PDE4D: variants seen among roughly 807,000 people sequenced by gnomAD.
The protein encoded by PDE4D is 3',5'-cyclic-AMP phosphodiesterase 4D.
In PDE4D, 24 loss-of-function variants were observed where a neutral mutation model predicts 87.4. The ratio of observed to expected loss-of-function variants is 0.27; its 90% confidence interval spans 0.20 to 0.39. The LOEUF (loss-of-function observed/expected upper bound fraction) is 0.39. PDE4D is among the 10% of genes least tolerant of loss of function. PDE4D has a pLI of 1.00. For synonymous variants in PDE4D, 384 were observed against 383.2 expected (o/e 1.00, Z -0.02); for missense variants, 714 against 1,041.0 (o/e 0.69, Z 4.32).
chr5:59,943,946 A>G (rs967685519), intron 3 of PDE4D, among the ~76,000 whole-genome samples: 2 of 152,222 alleles, frequency 1.3e-5, no homozygotes, highest in African/African-American at 4.8e-5. Flanking sequence ...GATGAATGGC[A>G]AATGAGGAAA....
chr5:59,652,804 GTT>G (rs202089635), intron 1 of PDE4D, among the ~76,000 whole-genome samples: 1 of 143,628 alleles, frequency 7.0e-6, no homozygotes. Flanking sequence ...CTTATTGCAT[GTT>G]TTTTTTTTTT....
intron 1 of PDE4D, among the ~76,000 whole-genome samples, chr5:59,528,347 C>G (rs1029214719): frequency 4.6e-5 from 7 of 152,094 alleles, no homozygotes; most frequent in Non-Finnish European, 8.8e-5. Flanking sequence ...ATGACAGAAT[C>G]AGGATATAAA....
At chr5:59,771,003 C>T (rs1300958036) in intron 1 of PDE4D, among the ~76,000 whole-genome samples, 4 of 151,954 alleles carry the variant, frequency 2.6e-5, no homozygotes, top group East Asian at 1.9e-4. Flanking sequence ...TGGTGGCATG[C>T]GTCTGCAGTC....
At chr5:60,283,995 T>A (rs1752185762) in intron 1 of PDE4D, among the ~76,000 whole-genome samples, 1 of 151,936 alleles carries the variant, frequency 6.6e-6, no homozygotes, top group African/African-American at 2.4e-5. Flanking sequence ...AACATTAAAA[T>A]ACGCAGAATC....
chr5:60,417,093 T>C (rs536574752), intron 1 of PDE4D, among the ~76,000 whole-genome samples: 1 of 152,338 alleles, frequency 6.6e-6, no homozygotes, highest in Admixed American at 6.5e-5. Flanking sequence ...GTAGTCATGG[T>C]AATAGCCACA....
At position 58,977,286 on chromosome 5, in the gene PDE4D, C is replaced by G. The variant is rs770069803; in HGVS notation, c.1612G>C (p.Val538Leu). 1 of 1,612,892 alleles carries G rather than the reference C, an allele frequency of 6.2e-7. No homozygotes were observed. The highest frequency in any genetic ancestry group is 1.7e-4 in the Middle Eastern group (1 of 6,052). ...SSVLENHHLA[V>L]GFKLLQEENC... ...TCTTCCTGAAGCAATTTAAAGCCCA[C>G]AGCCAAATGATGGTTCTCTAAGACT... The change falls in exon 12 of 15, where the codon GTG (valine) becomes CTG (leucine). Residue 538 changes from valine (V) to leucine (L), a missense_variant. Around this residue, in one of 7 missense-constraint regions of PDE4D, gnomAD observed 26 missense variants for 96.9 expected, o/e 0.27. Transcript: ENST00000340635.
chr5:59,299,141 G>T (rs1252330234), intron 1 of PDE4D, among the ~76,000 whole-genome samples: 2 of 152,196 alleles, frequency 1.3e-5, no homozygotes, highest in African/African-American at 2.4e-5. Context: ...TTGCCTGAAG[G>T]TTTTTAATTC....
chr5:59,649,905 C>CATTTTTTTTTTTTTTTTTT (rs1743128686), intron 1 of PDE4D, among the ~76,000 whole-genome samples: 1 of 72,442 alleles, frequency 1.4e-5, no homozygotes, highest in Non-Finnish European at 2.4e-5. Context: ...GTTTGTGAAC[C>CATTTTTTTTTTTTTTTTTT]TTTTTTTTTT....
intron 1 of PDE4D, among the ~76,000 whole-genome samples, chr5:59,396,648 T>C (rs1427580947): frequency 9.2e-6 from 1 of 108,332 alleles, no homozygotes; most frequent in Non-Finnish European, 1.9e-5. Context: ...GTAAAGACCA[T>C]CGAGACTAGG....
chr5:60,107,642 T>C (rs1777147910), intron 2 of PDE4D, among the ~76,000 whole-genome samples: 1 of 152,116 alleles, frequency 6.6e-6, no homozygotes, highest in African/African-American at 2.4e-5. Context: ...CAGCAGCACA[T>C]CAAAAAGTTT....
intron 1 of PDE4D, among the ~76,000 whole-genome samples, chr5:60,351,362 G>A (rs766072035): frequency 2.6e-5 from 4 of 152,032 alleles, no homozygotes; most frequent in Non-Finnish European, 5.9e-5. Context: ...AAATTTACAG[G>A]CTCCCTTGCA....
At chr5:60,043,853 G>C (rs912421330) in intron 2 of PDE4D, among the ~76,000 whole-genome samples, 5 of 152,150 alleles carry the variant, frequency 3.3e-5, no homozygotes, top group African/African-American at 1.2e-4. Context: ...GTCTGAGAAA[G>C]CATTTCTTCT....
intron 5 of PDE4D, among the ~76,000 whole-genome samples, chr5:59,124,203 A>G (rs1010568087): frequency 6.6e-6 from 1 of 152,138 alleles, no homozygotes; most frequent in Non-Finnish European, 1.5e-5. Flanking sequence ...GAGGAGTTCT[A>G]TTTGTTTGCA....
chr5:59,303,592 C>T (rs935284173), intron 1 of PDE4D, among the ~76,000 whole-genome samples: 1 of 152,066 alleles, frequency 6.6e-6, no homozygotes, highest in African/African-American at 2.4e-5. Context: ...GATCTAGTTT[C>T]ATTCTCCTAT....
chr5:59,982,160 CT>C (rs1379494328), intron 3 of PDE4D, among the ~76,000 whole-genome samples: 1 of 152,050 alleles, frequency 6.6e-6, no homozygotes, highest in Non-Finnish European at 1.5e-5. Flanking sequence ...TTTTCATTTT[CT>C]TTTTTTATAG....
chr5:59,659,031 T>C (rs925208708), intron 1 of PDE4D, among the ~76,000 whole-genome samples: 1 of 152,162 alleles, frequency 6.6e-6, no homozygotes, highest in African/African-American at 2.4e-5. Flanking sequence ...TTAATGCAAC[T>C]TAAATTTTTA....
intron 2 of PDE4D, among the ~76,000 whole-genome samples, chr5:60,072,567 A>G (rs1038739041): frequency 1.3e-5 from 2 of 152,104 alleles, no homozygotes; most frequent in Non-Finnish European, 2.9e-5. Flanking sequence ...TATCTACATC[A>G]TAAAATCTTT....
At chr5:59,352,183 G>A (rs76056623) in intron 1 of PDE4D, among the ~76,000 whole-genome samples, 2,839 of 152,236 alleles carry the variant, frequency 0.019, 100 homozygotes, top group African/African-American at 0.065. Context: ...ATACAAACTA[G>A]CTCTACTGTT....
intron 1 of PDE4D, among the ~76,000 whole-genome samples, chr5:59,235,999 CT>C (rs1364602562): frequency 3.9e-5 from 6 of 152,062 alleles, no homozygotes; most frequent in Non-Finnish European, 4.4e-5. Flanking sequence ...GAATGTATTT[CT>C]TTTGTATTAT....
Sources: gnomAD v4.1 joint callset for allele counts (sites outside exome capture counted in the v4.1 genomes callset) on GRCh38, gnomAD v4.1.1 for gene constraint, gnomAD v4.1.1 regional missense constraint, MANE v1.5 for transcripts, NCBI Gene and HGNC (gene_info 2026-07-23, HGNC 2026-07-21) for gene names.